CMIP: variants seen among roughly 807,000 people sequenced by gnomAD.
CMIP encodes the protein C-Maf-inducing protein.
A neutral mutation model predicts 97.3 loss-of-function variants in CMIP; 13 were observed. The observed-to-expected ratio is 0.13, with a 90% CI of 0.09 to 0.21. CMIP has a LOEUF of 0.21. Among genes scored for constraint, CMIP ranks in the 10% least tolerant of loss-of-function variants. The pLI is 1.00. For missense variants in CMIP, 847 were observed against 1,024.9 expected, an observed-to-expected ratio of 0.83 and a Z score of 2.37; for synonymous variants, 538 against 436.3, an observed-to-expected ratio of 1.23 and a Z score of -2.91.
chr16:81,563,996 C>T (rs1467063370), intron 1 of CMIP, among the ~76,000 whole-genome samples: 1 of 152,250 alleles, frequency 6.6e-6, no homozygotes, highest in Non-Finnish European at 1.5e-5. Flanking sequence ...GCTGCAGAGC[C>T]TGAGCCCAGG....
At chr16:81,513,645 A>C (rs1487314519) in intron 1 of CMIP, among the ~76,000 whole-genome samples, 1 of 152,246 alleles carries the variant, frequency 6.6e-6, no homozygotes, top group Non-Finnish European at 1.5e-5. Context: ...GCTGCTGTGC[A>C]GACCCGTGGG....
At chr16:81,481,504 A>G (rs534010950) in intron 1 of CMIP, among the ~76,000 whole-genome samples, 107 of 152,314 alleles carry the variant, frequency 7.0e-4, no homozygotes, top group Non-Finnish European at 6.0e-4. Flanking sequence ...GATAATTATG[A>G]AAGAGGAAGT....
chr16:81,518,835 A>ATTTTTTTT (rs35435211), intron 1 of CMIP: 1 of 123,354 alleles, frequency 8.1e-6, no homozygotes, highest in Middle Eastern at 3.8e-3. Flanking sequence ...CTGCATCTCT[A>ATTTTTTTT]TTTTTTTTTT....
At chr16:81,524,032 A>T (rs2090080829) in intron 1 of CMIP, among the ~76,000 whole-genome samples, 2 of 152,210 alleles carry the variant, frequency 1.3e-5, no homozygotes, top group African/African-American at 4.8e-5. Flanking sequence ...TCCTTGGAGT[A>T]GGCTTATTTT....
chr16:81,472,575 C>T (rs1030377054), intron 1 of CMIP, among the ~76,000 whole-genome samples: 1 of 152,236 alleles, frequency 6.6e-6, no homozygotes, highest in Non-Finnish European at 1.5e-5. Flanking sequence ...ATGGGCCCTG[C>T]TCTCAGGAAC....
chr16:81,554,483 G>A (rs1458058827), intron 1 of CMIP, among the ~76,000 whole-genome samples: 2 of 152,216 alleles, frequency 1.3e-5, no homozygotes, highest in African/African-American at 2.4e-5. Flanking sequence ...TGAGCCCAGA[G>A]GCAGCTGCAG....
chr16:81,519,322 TA>T (rs1299972787), intron 1 of CMIP: 7 of 152,194 alleles, frequency 4.6e-5, no homozygotes, highest in Non-Finnish European at 1.0e-4. Flanking sequence ...ACACAAAAAG[TA>T]AAATCCCTGT....
intron 1 of CMIP, among the ~76,000 whole-genome samples, chr16:81,604,678 C>T (rs766666026): frequency 2.6e-5 from 4 of 152,032 alleles, no homozygotes; most frequent in Admixed American, 1.3e-4. Context: ...CCAGCCTGGG[C>T]GACAGAGCAA....
intron 2 of CMIP, chr16:81,620,329 C>G (rs982163270): frequency 1.3e-5 from 2 of 152,844 alleles, no homozygotes; most frequent in African/African-American, 4.8e-5. Flanking sequence ...GACTTGGAAG[C>G]CAGGCTACCC....
chr16:81,530,744 G>A (rs930325395), intron 1 of CMIP, among the ~76,000 whole-genome samples: 1 of 152,088 alleles, frequency 6.6e-6, no homozygotes, highest in Non-Finnish European at 1.5e-5. Flanking sequence ...TCAGAGCTTC[G>A]AGCCTCCTCC....
At chr16:81,698,904 C>G (rs1400866402) in intron 14 of CMIP, among the ~76,000 whole-genome samples, 3 of 152,176 alleles carry the variant, frequency 2.0e-5, no homozygotes, top group African/African-American at 4.8e-5. Context: ...AACATCAGAA[C>G]TTTTATAATG....
At chr16:81,509,211 GC>G (rs34875367) in intron 1 of CMIP, among the ~76,000 whole-genome samples, 3 of 152,190 alleles carry the variant, frequency 2.0e-5, no homozygotes, top group African/African-American at 7.2e-5. Flanking sequence ...AGCTGTCATT[GC>G]CCCACAGGGC....
At chr16:81,644,222 A>G (rs1001276885) in intron 3 of CMIP, among the ~76,000 whole-genome samples, 1 of 152,220 alleles carries the variant, frequency 6.6e-6, no homozygotes, top group African/African-American at 2.4e-5. Context: ...CCCTCCAGTC[A>G]TGGTGGTGCT....
chr16:81,708,060 A>C (rs1597283518), intron 20 of CMIP, among the ~76,000 whole-genome samples: 1 of 152,224 alleles, frequency 6.6e-6, no homozygotes, highest in Non-Finnish European at 1.5e-5. Context: ...GGACAGGGAC[A>C]CCGAGGTGTG....
At chr16:81,682,147 T>A (rs1904934681) in intron 10 of CMIP, among the ~76,000 whole-genome samples, 1 of 152,030 alleles carries the variant, frequency 6.6e-6, no homozygotes, top group South Asian at 2.1e-4. Flanking sequence ...GAGGTTGCAG[T>A]GATCCACGAT....
At chr16:81,467,734 C>A (rs954064612) in intron 1 of CMIP, among the ~76,000 whole-genome samples, 3 of 151,814 alleles carry the variant, frequency 2.0e-5, no homozygotes, top group African/African-American at 7.3e-5. Context: ...GCATGTGCCA[C>A]CATGCCTGGC....
At position 81,445,248 on chromosome 16, in the gene CMIP, G is replaced by C; in HGVS notation, c.7G>C (p.Val3Leu). The change falls in exon 1 of 21, where the codon GTG (valine) becomes CTG (leucine). Residue 3 changes from valine to leucine, a missense_variant. Physicochemically the swap from Val to Leu is conservative, Grantham distance 32. Coordinates refer to ENST00000537098, the MANE Select transcript of CMIP (RefSeq NM_198390.3). Reference sequence around the variant, plus strand: ...CCCCTCCCCCGGCGCGGCCATGGATGTGACCAGCAGCTCGGGCGGCGGCGG... The same window carrying C: ...CCCCTCCCCCGGCGCGGCCATGGATCTGACCAGCAGCTCGGGCGGCGGCGG... MD[V>L]TSSSGGGGDP... The C allele has an allele frequency of 6.6e-7, 1 of 1,524,156 alleles. No individual in the cohort carries two copies. Among genetic ancestry groups the C allele is most frequent in the African/African-American group, 1.4e-5 (1 of 72,362 alleles). 94.4% of individuals were successfully genotyped at this position (1,524,156 alleles called of 1,614,324 possible).
At chr16:81,504,873 TTTCAAAAA>T (rs1180826562) in intron 1 of CMIP, among the ~76,000 whole-genome samples, 1 of 152,154 alleles carries the variant, frequency 6.6e-6, no homozygotes, top group Non-Finnish European at 1.5e-5. Context: ...TCATTATAGT[TTTCAAAAA>T]TATTGGTTTA....
chr16:81,706,685 G>A (rs996221815), intron 19 of CMIP, among the ~76,000 whole-genome samples: 6 of 152,238 alleles, frequency 3.9e-5, no homozygotes, highest in Admixed American at 6.5e-5. Context: ...TTAGTGGGGA[G>A]GCCTCGGGCC....
Sources: allele counts gnomAD v4.1 joint callset (sites outside exome capture counted in the v4.1 genomes callset), GRCh38; gene constraint gnomAD v4.1.1; transcripts MANE v1.5; gene names NCBI Gene and HGNC (gene_info 2026-07-23, HGNC 2026-07-21).